Variants in SPDYE10 observed in about 807,000 individuals in gnomAD.
SPDYE10 encodes speedy protein E10.
the SPDYE10 span, among the ~76,000 whole-genome samples, chr7:73,114,577 C>T: frequency 1.4e-5 from 2 of 141,114 alleles, no homozygotes; most frequent in Admixed American, 1.5e-4. Context: ...CACTCTGTCA[C>T]CCAGGCTAGA....
chr7:73,113,950 C>T, the SPDYE10 span, among the ~76,000 whole-genome samples: 1 of 151,574 alleles, frequency 6.6e-6, no homozygotes, highest in African/African-American at 2.4e-5. Context: ...GGCGTGAACC[C>T]AGGAGGCGGC....
At chr7:73,137,669 A>G in the SPDYE10 span, among the ~76,000 whole-genome samples, 1 of 115,858 alleles carries the variant, frequency 8.6e-6, no homozygotes, top group Non-Finnish European at 1.8e-5. Context: ...AGAAAGAAAG[A>G]AAGAGGAGGG....
At chr7:73,137,626 G>GA in the SPDYE10 span, among the ~76,000 whole-genome samples, 4 of 135,976 alleles carry the variant, frequency 2.9e-5, no homozygotes, top group African/African-American at 9.2e-5. Flanking sequence ...AAGAAAGAAA[G>GA]AAAGAAAGAA....
chr7:73,151,986 C>CT, the SPDYE10 span, among the ~76,000 whole-genome samples: 3 of 134,082 alleles, frequency 2.2e-5, no homozygotes, highest in Non-Finnish European at 3.2e-5. Context: ...GTTTCACCTG[C>CT]TTTTTTTTAT....
chr7:73,134,683 G>A, the SPDYE10 span, among the ~76,000 whole-genome samples: 7 of 152,350 alleles, frequency 4.6e-5, no homozygotes, highest in East Asian at 7.7e-4. Context: ...CTGACATGGC[G>A]AAACCCCGTC....
chr7:73,123,978 G>C, the SPDYE10 span, among the ~76,000 whole-genome samples: 2 of 150,964 alleles, frequency 1.3e-5, no homozygotes, highest in Non-Finnish European at 3.0e-5. Context: ...GGGTTTCGCC[G>C]TGTTGCCCAG....
chr7:73,137,453 C>T, the SPDYE10 span, among the ~76,000 whole-genome samples: 1 of 149,278 alleles, frequency 6.7e-6, no homozygotes, highest in African/African-American at 2.5e-5. Flanking sequence ...ACCTGGAAGG[C>T]AGAGGTTGCA....
the SPDYE10 span, among the ~76,000 whole-genome samples, chr7:73,115,344 A>G: frequency 6.6e-5 from 10 of 151,970 alleles, no homozygotes; most frequent in African/African-American, 1.9e-4. Context: ...CAAAACCTGT[A>G]CAGAATCCTC....
At chr7:73,129,940 ACTCAAGC>A in the SPDYE10 span, among the ~76,000 whole-genome samples, 1 of 149,650 alleles carries the variant, frequency 6.7e-6, no homozygotes, top group South Asian at 2.1e-4. Flanking sequence ...GCAGCCTCAA[ACTCAAGC>A]AATCCTCCCA....
the SPDYE10 span, among the ~76,000 whole-genome samples, chr7:73,134,945 AG>A: frequency 6.6e-6 from 1 of 152,280 alleles, no homozygotes; most frequent in Non-Finnish European, 1.5e-5. Context: ...GGAGAGGAGA[AG>A]AGGCAGATGG....
At chr7:73,137,593 T>A in the SPDYE10 span, among the ~76,000 whole-genome samples, 33 of 70,528 alleles carry the variant, frequency 4.7e-4, no homozygotes, top group East Asian at 6.3e-4. Context: ...AAAGAAGAGA[T>A]GAAAGAAAGA....
the SPDYE10 span, among the ~76,000 whole-genome samples, chr7:73,143,174 CTT>C: frequency 6.6e-6 from 1 of 150,800 alleles, no homozygotes; most frequent in Admixed American, 6.6e-5. Flanking sequence ...TGCAAAGTAA[CTT>C]TGTCCTCCTC....
chr7:73,147,163 CTT>C, the SPDYE10 span, among the ~76,000 whole-genome samples: 2 of 144,818 alleles, frequency 1.4e-5, no homozygotes, highest in African/African-American at 2.6e-5. Flanking sequence ...TTTTTCTTTT[CTT>C]TTTTTTTTTT....
chr7:73,141,111 C>CACAG, the SPDYE10 span, among the ~76,000 whole-genome samples: 1,061 of 142,562 alleles, frequency 7.4e-3, no homozygotes, highest in African/African-American at 0.022. Flanking sequence ...CACACACACA[C>CACAG]AGACAAAATT....
chr7:73,134,374 G>A, the SPDYE10 span, among the ~76,000 whole-genome samples: 74 of 148,714 alleles, frequency 5.0e-4, no homozygotes, highest in Admixed American at 1.3e-3. Context: ...CCTGTTGTGC[G>A]GTGGAGGGAG....
chr7:73,150,948 A>ATATTTTTT, the SPDYE10 span, among the ~76,000 whole-genome samples: 7 of 4,940 alleles, frequency 1.4e-3, no homozygotes, highest in African/African-American at 6.2e-3. Flanking sequence ...ATATATATAT[A>ATATTTTTT]TTTTTTTTTT....
the SPDYE10 span, among the ~76,000 whole-genome samples, chr7:73,134,545 G>GAAAGAAAGAAAGAAAGA: frequency 1.3e-5 from 2 of 151,954 alleles, no homozygotes; most frequent in Non-Finnish European, 2.9e-5. Flanking sequence ...GAAAAAGAAA[G>GAAAGAAAGAAAGAAAGA]AAAGAAAGAA....
At chr7:73,142,804 G>A in the SPDYE10 span, among the ~76,000 whole-genome samples, 1 of 152,038 alleles carries the variant, frequency 6.6e-6, no homozygotes. Context: ...GTGGTGGTGG[G>A]CGCCTGTAGT....
the SPDYE10 span, among the ~76,000 whole-genome samples, chr7:73,147,731 G>T: frequency 1.1e-4 from 17 of 151,502 alleles, no homozygotes; most frequent in Non-Finnish European, 2.9e-5. Flanking sequence ...CTGACATCAG[G>T]CGATCCACCT....
Sources: allele counts gnomAD v4.1 joint callset (sites outside exome capture counted in the v4.1 genomes callset), GRCh38; gene constraint gnomAD v4.1.1; transcripts MANE v1.5; gene names NCBI Gene and HGNC (gene_info 2026-07-23, HGNC 2026-07-21).